PDE4D: variants seen among roughly 807,000 people sequenced by gnomAD.
The protein encoded by PDE4D is 3',5'-cyclic-AMP phosphodiesterase 4D.
Under a neutral mutation model 87.4 loss-of-function variants are expected in PDE4D, and 24 were observed. The ratio of observed to expected loss-of-function variants is 0.27; its 90% CI spans 0.20 to 0.39. PDE4D has a LOEUF of 0.39. Ranked by LOEUF, PDE4D falls within the 10% of genes least tolerant of loss-of-function variation. The probability of loss-of-function intolerance (pLI) is 1.00; values close to 1 mark genes in which losing one functional copy is unlikely to be tolerated. For synonymous variants in PDE4D, 384 were observed against 383.2 expected, an observed-to-expected ratio of 1.00 and a Z score of -0.02; for missense variants, 714 against 1,041.0, an observed-to-expected ratio of 0.69 and a Z score of 4.32.
chr5:59,734,625 G>A (rs1397634797), intron 1 of PDE4D, among the ~76,000 whole-genome samples: 1 of 152,076 alleles, frequency 6.6e-6, no homozygotes. Flanking sequence ...GAACTGTCAA[G>A]AAGCAAAAGA....
chr5:59,797,583 G>A (rs1766637002), intron 1 of PDE4D, among the ~76,000 whole-genome samples: 2 of 152,082 alleles, frequency 1.3e-5, no homozygotes, highest in Non-Finnish European at 2.9e-5. Flanking sequence ...TGTCTTCTAA[G>A]GCACCAGAGA....
At chr5:60,028,189 T>C (rs1014754005) in intron 2 of PDE4D, among the ~76,000 whole-genome samples, 2 of 152,222 alleles carry the variant, frequency 1.3e-5, no homozygotes, top group Non-Finnish European at 2.9e-5. Flanking sequence ...GTCAGGCTGA[T>C]AACCTTTGAG....
At chr5:60,504,173 C>A (rs1750221050) in intron 1 of PDE4D, among the ~76,000 whole-genome samples, 3 of 152,114 alleles carry the variant, frequency 2.0e-5, no homozygotes, top group African/African-American at 7.2e-5. Flanking sequence ...GGGGACTATG[C>A]AATTCTCTGA....
intron 1 of PDE4D, among the ~76,000 whole-genome samples, chr5:59,331,776 C>T (rs542790588): frequency 1.3e-5 from 2 of 152,330 alleles, no homozygotes; most frequent in Non-Finnish European, 1.5e-5. Context: ...TAATAAAACA[C>T]AGTCACTCTG....
chr5:59,195,500 G>A (rs1015540117), intron 2 of PDE4D, among the ~76,000 whole-genome samples: 1 of 152,196 alleles, frequency 6.6e-6, no homozygotes, highest in Non-Finnish European at 1.5e-5. Context: ...TGGAAGGCAG[G>A]AAATTCAGAA....
intron 2 of PDE4D, among the ~76,000 whole-genome samples, chr5:60,175,539 G>A (rs1360487520): frequency 6.6e-6 from 1 of 152,094 alleles, no homozygotes; most frequent in Non-Finnish European, 1.5e-5. Flanking sequence ...GATACTTTTG[G>A]ATTCTTAAAG....
At chr5:59,861,032 T>G (rs988997782) in intron 1 of PDE4D, among the ~76,000 whole-genome samples, 4 of 150,826 alleles carry the variant, frequency 2.7e-5, no homozygotes, top group Non-Finnish European at 5.9e-5. Flanking sequence ...GATAATTTTT[T>G]TTTTTTTTTT....
At chr5:59,440,596 G>C (rs1797461696) in intron 1 of PDE4D, among the ~76,000 whole-genome samples, 1 of 152,112 alleles carries the variant, frequency 6.6e-6, no homozygotes, top group Non-Finnish European at 1.5e-5. Context: ...GACCAACATG[G>C]GGAAACCCCA....
In PDE4D at chr5:59,643,125, T is replaced by A. The variant is rs185448385; in HGVS notation, c.455+250043A>T. ...ACCTTAGGCAACAGTTAGCTTAGCA[T>A]GGTGATTAGAGAAAATGAATACAAT... On this transcript the variant is annotated intron_variant, in intron 1 of 14. Transcript: ENST00000340635. Among the ~76,000 whole-genome samples the A allele has an allele frequency of 5.9e-3, 899 of 152,238 alleles. 8 individuals carry two copies. The highest frequency in any genetic ancestry group is 9.7e-3 in the Non-Finnish European group (661 of 67,998).
At chr5:59,033,142 G>A (rs546028035) in intron 6 of PDE4D, among the ~76,000 whole-genome samples, 10 of 152,214 alleles carry the variant, frequency 6.6e-5, no homozygotes, top group South Asian at 2.1e-4. Context: ...TATTCTCTAA[G>A]AGTAAAAGAT....
chr5:59,946,096 A>G (rs960950235), intron 3 of PDE4D, among the ~76,000 whole-genome samples: 1 of 152,148 alleles, frequency 6.6e-6, no homozygotes. Context: ...AAACTGACCT[A>G]TGTCTGAGCT....
At chr5:59,283,497 T>C (rs1766247864) in intron 1 of PDE4D, among the ~76,000 whole-genome samples, 1 of 151,632 alleles carries the variant, frequency 6.6e-6, no homozygotes, top group Non-Finnish European at 1.5e-5. Context: ...AATTTCAGCC[T>C]TTTTTGTGTG....
chr5:59,349,439 C>T (rs1309063420), intron 1 of PDE4D, among the ~76,000 whole-genome samples: 1 of 152,064 alleles, frequency 6.6e-6, no homozygotes, highest in East Asian at 1.9e-4. Context: ...TCCTTATTTG[C>T]TCTGCCCAGA....
At chr5:59,609,495 C>T (rs1036703540) in intron 1 of PDE4D, among the ~76,000 whole-genome samples, 4 of 152,040 alleles carry the variant, frequency 2.6e-5, no homozygotes, top group Non-Finnish European at 5.9e-5. Flanking sequence ...CGTGTCACTT[C>T]TGGGGGAAAC....
At chr5:59,857,460 G>T (rs1019888779) in intron 1 of PDE4D, among the ~76,000 whole-genome samples, 3 of 152,180 alleles carry the variant, frequency 2.0e-5, no homozygotes, top group Admixed American at 2.0e-4. Context: ...ATATGAAAAA[G>T]AATACTTGAA....
In PDE4D at chr5:59,393,614, G is replaced by A. The variant is rs183794998; in HGVS notation, c.456-177646C>T. 1.3e-3 allele frequency among the ~76,000 whole-genome samples: 196 copies of A among 152,280 alleles called. 2 individuals carry two copies. Among genetic ancestry groups the A allele is most frequent in the African/African-American group, 4.4e-3 (184 of 41,558 alleles). On this transcript the variant is annotated intron_variant, in intron 1 of 14. Transcript: ENST00000340635. ...AATGACAACACCAATATTTAGGGAC[G>A]TTCCTCTTTTTTCTTCACTGACTTT...
intron 1 of PDE4D, among the ~76,000 whole-genome samples, chr5:59,732,946 G>A (rs1003500383): frequency 4.8e-5 from 6 of 124,564 alleles, no homozygotes; most frequent in African/African-American, 1.8e-4. Flanking sequence ...AATTCCATGG[G>A]CCCAGTGATG....
At chr5:59,576,446 CATT>C (rs147408228) in intron 1 of PDE4D, among the ~76,000 whole-genome samples, 3,666 of 152,172 alleles carry the variant, frequency 0.024, 131 homozygotes, top group African/African-American at 0.084. Flanking sequence ...AGCACAATAA[CATT>C]ATTTGAAAAA....
At chr5:59,630,815 T>C (rs183014013) in intron 1 of PDE4D, among the ~76,000 whole-genome samples, 26 of 152,298 alleles carry the variant, frequency 1.7e-4, no homozygotes, top group Admixed American at 1.6e-3. Context: ...ACGTGTCTGT[T>C]AGCTTCAGGT....
Sources: gnomAD v4.1 joint callset for allele counts (sites outside exome capture counted in the v4.1 genomes callset) on GRCh38, gnomAD v4.1.1 for gene constraint, MANE v1.5 for transcripts, NCBI Gene and HGNC (gene_info 2026-07-23, HGNC 2026-07-21) for gene names.